The following MARCHF1 variants were observed in gnomAD, a reference collection of about 807,000 sequenced individuals.
MARCHF1 encodes membrane associated ring-CH-type finger 1.
A neutral mutation model predicts 54.2 loss-of-function variants in MARCHF1; 40 were observed. The ratio of observed to expected loss-of-function variants is 0.74; its 90% CI spans 0.57 to 0.96. MARCHF1 has a LOEUF of 0.96. MARCHF1 is among the 40% of genes least tolerant of loss of function. MARCHF1 has a pLI of 0.00. For missense variants in MARCHF1, 586 were observed against 656.5 expected (o/e 0.89, Z 1.17); for synonymous variants, 236 against 236.3 (o/e 1.00, Z 0.01).
chr4:164,224,685 T>C lies in MARCHF1; in HGVS notation c.-322-113023A>G, dbSNP rs1482201183. Among the ~76,000 whole-genome samples, 5 of 152,180 alleles carry C rather than the reference T, an allele frequency of 3.3e-5. No individual in the cohort carries two copies. The East Asian group carries it at 9.6e-4, about 29-fold the overall frequency. On this transcript the variant is annotated intron_variant, in intron 1 of 9. Transcript: ENST00000514618. ...TTTATATAAGAGAGCTGGCTCAGCA[T>C]TGACAGTATGTAGAATGCTAGAATA...
chr4:163,678,481 A>G (rs1743990467), intron 5 of MARCHF1, among the ~76,000 whole-genome samples: 1 of 152,174 alleles, frequency 6.6e-6, no homozygotes, highest in Admixed American at 6.5e-5. Flanking sequence ...ATTTAATGTA[A>G]TTTTATAAGG....
intron 1 of MARCHF1, among the ~76,000 whole-genome samples, chr4:164,321,373 C>T (rs1416864340): frequency 6.6e-6 from 1 of 151,998 alleles, no homozygotes; most frequent in Admixed American, 6.6e-5. Flanking sequence ...TCTGTTGAGA[C>T]CTCCTATAGT....
chr4:164,131,411 C>T (rs188653653), intron 1 of MARCHF1, among the ~76,000 whole-genome samples: 262 of 152,168 alleles, frequency 1.7e-3, no homozygotes, highest in Middle Eastern at 6.8e-3. Context: ...GAGCAAATTA[C>T]GTTTGGCATT....
intron 2 of MARCHF1, among the ~76,000 whole-genome samples, chr4:164,097,630 A>G (rs1368418312): frequency 6.6e-6 from 1 of 152,106 alleles, no homozygotes; most frequent in East Asian, 1.9e-4. Context: ...TATATGTATT[A>G]AAAATATTAA....
At chr4:164,363,869 G>A (rs937461677) in intron 1 of MARCHF1, among the ~76,000 whole-genome samples, 1 of 151,866 alleles carries the variant, frequency 6.6e-6, no homozygotes, top group African/African-American at 2.4e-5. Context: ...GTCTTCTGGT[G>A]TTATCAGCAA....
chr4:164,065,781 T>A (rs2874466), intron 2 of MARCHF1, among the ~76,000 whole-genome samples: 4 of 151,924 alleles, frequency 2.6e-5, no homozygotes, highest in Non-Finnish European at 4.4e-5. Flanking sequence ...GGCAAACCAC[T>A]GGTGTAATAG....
At chr4:164,071,086 G>A (rs1754854103) in intron 2 of MARCHF1, among the ~76,000 whole-genome samples, 1 of 151,990 alleles carries the variant, frequency 6.6e-6, no homozygotes, top group African/African-American at 2.4e-5. Flanking sequence ...ACCTTTTTTT[G>A]TTCCCAGTTT....
Position 164,067,948 on chromosome 4 carries a change from C to T in MARCHF1, c.-248+43640G>A, listed in dbSNP as rs563996314. Among the ~76,000 whole-genome samples the T allele has an allele frequency of 3.4e-3, 519 of 152,114 alleles. 5 individuals carry two copies. Among genetic ancestry groups the T allele is most frequent in the Non-Finnish European group, 5.4e-3 (365 of 67,990 alleles). ...CACTTCTCAAAAGAAGACATATGAG[C>T]AGCCTAAAAACATATGAAAAAATGC... On this transcript the variant is annotated intron_variant, in intron 2 of 9. Coordinates refer to ENST00000514618, the MANE Select transcript of MARCHF1 (RefSeq NM_001394959.1).
At chr4:164,096,423 A>G (rs1157966603) in intron 2 of MARCHF1, among the ~76,000 whole-genome samples, 3 of 152,122 alleles carry the variant, frequency 2.0e-5, no homozygotes, top group Non-Finnish European at 4.4e-5. Context: ...AAAAGGAGGA[A>G]GAAAGGAAGG....
chr4:163,911,037 T>G (rs147797653), intron 3 of MARCHF1, among the ~76,000 whole-genome samples: 238 of 152,320 alleles, frequency 1.6e-3, no homozygotes, highest in African/African-American at 5.6e-3. Flanking sequence ...TTTCCCTTAC[T>G]TCATGTTTTC....
intron 7 of MARCHF1, among the ~76,000 whole-genome samples, chr4:163,610,210 C>T (rs931205952): frequency 5.9e-5 from 9 of 151,890 alleles, no homozygotes; most frequent in Middle Eastern, 3.4e-3. Context: ...TGCTTTTTTT[C>T]GAGTATGTGT....
At chr4:164,350,022 T>C (rs1175558131) in intron 1 of MARCHF1, among the ~76,000 whole-genome samples, 1 of 152,232 alleles carries the variant, frequency 6.6e-6, no homozygotes, top group Non-Finnish European at 1.5e-5. Flanking sequence ...TCATAGAACA[T>C]ATTTTGCATA....
chr4:163,757,911 A>T (rs1315596986), intron 4 of MARCHF1, among the ~76,000 whole-genome samples: 11 of 152,134 alleles, frequency 7.2e-5, no homozygotes. Flanking sequence ...CCAGCCTATT[A>T]ATAGGGTCAA....
chr4:163,531,695 A>AT (rs1738359067), intron 9 of MARCHF1, among the ~76,000 whole-genome samples: 1 of 151,912 alleles, frequency 6.6e-6, no homozygotes, highest in Non-Finnish European at 1.5e-5. Context: ...CAAAGAACTG[A>AT]TTAAGTTTTT....
intron 3 of MARCHF1, among the ~76,000 whole-genome samples, chr4:163,933,746 T>C (rs1751732041): frequency 6.6e-6 from 1 of 152,246 alleles, no homozygotes; most frequent in Non-Finnish European, 1.5e-5. Context: ...AGTATTAAAT[T>C]GAATGGAAAA....
At chr4:164,381,380 A>G (rs1393210941) in intron 1 of MARCHF1, among the ~76,000 whole-genome samples, 1 of 152,206 alleles carries the variant, frequency 6.6e-6, no homozygotes, top group Non-Finnish European at 1.5e-5. Flanking sequence ...ATATGCTTAT[A>G]CTTTCTGAGA....
chr4:163,869,776 C>A (rs986828168), intron 3 of MARCHF1, among the ~76,000 whole-genome samples: 1 of 152,040 alleles, frequency 6.6e-6, no homozygotes, highest in Non-Finnish European at 1.5e-5. Context: ...ATTTATGAAT[C>A]TCCTCACAAC....
At chr4:164,346,558 A>T (rs1730103439) in intron 1 of MARCHF1, among the ~76,000 whole-genome samples, 1 of 100,662 alleles carries the variant, frequency 9.9e-6, no homozygotes. Context: ...CCCAGTAATG[A>T]ATGGACCTGA....
intron 2 of MARCHF1, among the ~76,000 whole-genome samples, chr4:164,078,537 A>AT (rs34020082): frequency 5.3e-5 from 8 of 151,540 alleles, no homozygotes; most frequent in East Asian, 1.9e-4. Flanking sequence ...TAAATAAATA[A>AT]TTTTTTTTTA....
Sources: allele counts gnomAD v4.1 joint callset (sites outside exome capture counted in the v4.1 genomes callset), GRCh38; gene constraint gnomAD v4.1.1; transcripts MANE v1.5; gene names NCBI Gene and HGNC (gene_info 2026-07-23, HGNC 2026-07-21).